The following QKI variants were observed in gnomAD, a reference collection of about 807,000 sequenced individuals.
The protein encoded by QKI is QKI, KH domain containing RNA binding, also known as KH domain-containing RNA-binding protein QKI.
In QKI, 10 loss-of-function variants were observed where a neutral mutation model predicts 39.0. That is an observed-to-expected ratio of 0.26 (90% CI 0.16 to 0.43). The LOEUF (loss-of-function observed/expected upper bound fraction) is 0.43. Ranked by LOEUF, QKI falls within the 20% of genes least tolerant of loss-of-function variation. The probability of loss-of-function intolerance (pLI) is 1.00; values close to 1 mark genes in which losing one functional copy is unlikely to be tolerated. For synonymous variants in QKI, 204 were observed against 155.4 expected, an observed-to-expected ratio of 1.31 and a Z score of -2.33; for missense variants, 218 against 428.0, an observed-to-expected ratio of 0.51 and a Z score of 4.33.
In QKI at chr6:163,574,210, C is replaced by T. The variant is rs1783852803; in HGVS notation, c.*3500C>T. 2 of 152,132 alleles carry T rather than the reference C, an allele frequency of 1.3e-5. No individual in the cohort carries two copies. Among genetic ancestry groups the T allele is most frequent in the Non-Finnish European group, 2.9e-5 (2 of 68,042 alleles). 9.4% of individuals were successfully genotyped at this position (152,132 alleles called of 1,614,324 possible). A position where few individuals can be genotyped will look rare whatever the true frequency, so the allele number is the denominator to read the frequency against. On this transcript the variant is annotated 3_prime_UTR_variant, in exon 8 of 8. Transcript: ENST00000361752. ...TTGTCATGGTATATACCTGGAGAAA[C>T]CAGTTTGATTCTTTGTTGAACCATT...
At chr6:163,503,141 T>C (rs937517500) in intron 3 of QKI, among the ~76,000 whole-genome samples, 5 of 7,622 alleles carry the variant, frequency 6.6e-4, no homozygotes, top group African/African-American at 1.3e-3. Context: ...CCTTGTATTT[T>C]TTTTTTTTTT....
At chr6:163,447,079 G>A (rs895286503) in intron 1 of QKI, among the ~76,000 whole-genome samples, 8 of 151,900 alleles carry the variant, frequency 5.3e-5, no homozygotes, top group Non-Finnish European at 1.2e-4. Context: ...TCTAATTACC[G>A]TTTCTTAAAA....
chr6:163,575,506 C>T lies in QKI; in HGVS notation c.*4796C>T, dbSNP rs1783932748. 1 of 152,158 alleles carries T rather than the reference C, an allele frequency of 6.6e-6. No homozygotes were observed. Among genetic ancestry groups the T allele is most frequent in the Admixed American group, 6.5e-5 (1 of 15,284 alleles). The allele number at this position is 152,158 out of a possible 1,614,324, so 9.4% of individuals were successfully genotyped here. On this transcript the variant is annotated 3_prime_UTR_variant, in exon 8 of 8. Transcript: ENST00000361752. The stretch of plus-strand genomic sequence containing the variant: ...ACAAAACAGTTGAAAGCTGAGCTTT[C>T]AGTCAAGAAGTTGGTGAAATTAATG...
intron 4 of QKI, among the ~76,000 whole-genome samples, chr6:163,546,258 A>G (rs1235459095): frequency 1.3e-5 from 2 of 151,792 alleles, no homozygotes; most frequent in Non-Finnish European, 2.9e-5. Flanking sequence ...TTCATACATC[A>G]CTTTAATTTG....
chr6:163,568,449 G>C (rs762367568), intron 7 of QKI: 1 of 985,400 alleles, frequency 1.0e-6, no homozygotes, highest in Admixed American at 6.2e-5. Context: ...GTTTTGATTA[G>C]TCCTGTCACT....
intron 2 of QKI, among the ~76,000 whole-genome samples, chr6:163,465,951 C>CT: frequency 6.6e-6 from 1 of 151,774 alleles, no homozygotes; most frequent in Non-Finnish European, 1.5e-5. Context: ...TGGTGAAACC[C>CT]TGTCTCTACA....
chr6:163,540,600 ACAGTT>A (rs1308228108), intron 4 of QKI, among the ~76,000 whole-genome samples: 2 of 152,160 alleles, frequency 1.3e-5, no homozygotes. Context: ...TTTTCAGAGA[ACAGTT>A]CAGTATTGTA....
intron 2 of QKI, among the ~76,000 whole-genome samples, chr6:163,477,177 G>A (rs1365033353): frequency 1.3e-5 from 2 of 151,906 alleles, no homozygotes; most frequent in Admixed American, 6.6e-5. Context: ...CACCAAGCCT[G>A]GCTAAGTTTT....
At chr6:163,425,420 G>A (rs950748180) in intron 1 of QKI, among the ~76,000 whole-genome samples, 4 of 152,190 alleles carry the variant, frequency 2.6e-5, no homozygotes, top group African/African-American at 9.7e-5. Context: ...TTATTCTGAA[G>A]GTTGTAGGGA....
intron 1 of QKI, among the ~76,000 whole-genome samples, chr6:163,454,861 G>A (rs532737934): frequency 4.6e-5 from 7 of 152,122 alleles, no homozygotes; most frequent in South Asian, 2.1e-4. Flanking sequence ...AATATCCTTC[G>A]GACAAATTAG....
At chr6:163,497,115 TAAAG>T (rs1778458401) in intron 3 of QKI, among the ~76,000 whole-genome samples, 1 of 152,232 alleles carries the variant, frequency 6.6e-6, no homozygotes, top group Non-Finnish European at 1.5e-5. Flanking sequence ...TTATTTTGCA[TAAAG>T]ACATTATTAA....
intron 3 of QKI, among the ~76,000 whole-genome samples, chr6:163,516,222 A>T (rs1779788035): frequency 2.0e-5 from 3 of 152,198 alleles, no homozygotes; most frequent in African/African-American, 7.2e-5. Context: ...TGTACCCCTC[A>T]GTGTCTACCT....
chr6:163,509,339 A>G (rs1191593867), intron 3 of QKI, among the ~76,000 whole-genome samples: 3 of 152,220 alleles, frequency 2.0e-5, no homozygotes, highest in Non-Finnish European at 4.4e-5. Context: ...CTAAAGAGAA[A>G]TGAGAGCAGA....
At chr6:163,530,675 A>G (rs1167736759) in intron 3 of QKI, among the ~76,000 whole-genome samples, 1 of 152,182 alleles carries the variant, frequency 6.6e-6, no homozygotes, top group African/African-American at 2.4e-5. Context: ...GACATTTGAT[A>G]TGCACATGGA....
At chr6:163,490,392 G>A (rs1236335711) in intron 3 of QKI, among the ~76,000 whole-genome samples, 23 of 152,168 alleles carry the variant, frequency 1.5e-4, no homozygotes, top group Non-Finnish European at 4.4e-5. Context: ...TATTGACAGT[G>A]AACTGATGCA....
intron 7 of QKI, chr6:163,568,711 T>C: frequency 1.0e-6 from 1 of 985,418 alleles, no homozygotes; most frequent in Non-Finnish European, 1.2e-6. Flanking sequence ...CCCTTGGACA[T>C]ATAACCATGT....
At chr6:163,512,714 G>T (rs1387453645) in intron 3 of QKI, among the ~76,000 whole-genome samples, 2 of 151,980 alleles carry the variant, frequency 1.3e-5, no homozygotes, top group Non-Finnish European at 2.9e-5. Context: ...AAGTGTACAT[G>T]GTACATATTG....
intron 3 of QKI, among the ~76,000 whole-genome samples, chr6:163,493,275 C>T (rs973070230): frequency 1.1e-3 from 165 of 152,016 alleles, no homozygotes; most frequent in African/African-American, 3.6e-3. Flanking sequence ...GGATTACAGG[C>T]GCATGCCACC....
intron 1 of QKI, among the ~76,000 whole-genome samples, chr6:163,434,708 C>T (rs1157509992): frequency 6.7e-6 from 1 of 149,384 alleles, no homozygotes; most frequent in Non-Finnish European, 1.5e-5. Context: ...GTGTGAGACT[C>T]TCAAAAAAAA....
Sources: allele counts gnomAD v4.1 joint callset (sites outside exome capture counted in the v4.1 genomes callset), GRCh38; gene constraint gnomAD v4.1.1; transcripts MANE v1.5; gene names NCBI Gene and HGNC (gene_info 2026-07-23, HGNC 2026-07-21).